The following PLEKHA7 variants were observed in gnomAD, a reference collection of about 807,000 sequenced individuals.
The protein encoded by PLEKHA7 is pleckstrin homology domain-containing family A member 7.
A neutral mutation model predicts 170.0 loss-of-function variants in PLEKHA7; 104 were observed. The ratio of observed to expected loss-of-function variants is 0.61; its 90% CI spans 0.52 to 0.72. The LOEUF (loss-of-function observed/expected upper bound fraction) is 0.72, where lower values mean the gene tolerates loss of function less well. Ranked by LOEUF, PLEKHA7 falls within the 30% of genes least tolerant of loss-of-function variation. The pLI, the probability that PLEKHA7 is intolerant of heterozygous loss-of-function variation, is 0.00. For synonymous variants in PLEKHA7, 648 were observed against 660.8 expected (o/e 0.98, Z 0.30); for missense variants, 1,615 against 1,671.7 (o/e 0.97, Z 0.59).
chr11:16,940,043 G>A (rs1447364708), intron 3 of PLEKHA7, among the ~76,000 whole-genome samples: 3 of 152,144 alleles, frequency 2.0e-5, no homozygotes, highest in African/African-American at 7.2e-5. Flanking sequence ...ACTGGTGCTG[G>A]GGGCAAGAAG....
At chr11:16,800,204 G>A (rs890476662) in intron 17 of PLEKHA7, among the ~76,000 whole-genome samples, 1 of 152,058 alleles carries the variant, frequency 6.6e-6, no homozygotes, top group Non-Finnish European at 1.5e-5. Flanking sequence ...TTAAGTCAGG[G>A]GAGAAAAAAA....
At chr11:16,793,917 G>A (rs1017583329) in intron 19 of PLEKHA7, among the ~76,000 whole-genome samples, 1 of 152,154 alleles carries the variant, frequency 6.6e-6, no homozygotes, top group Non-Finnish European at 1.5e-5. Flanking sequence ...AGTTAGCATG[G>A]AGACATTGAG....
intron 10 of PLEKHA7, among the ~76,000 whole-genome samples, chr11:16,818,684 C>T (rs895424597): frequency 6.6e-5 from 10 of 152,228 alleles, no homozygotes; most frequent in Admixed American, 3.9e-4. Context: ...GTATTGTCCA[C>T]AGTCTAAGAA....
chr11:16,831,974 T>C (rs1451126347), intron 9 of PLEKHA7, among the ~76,000 whole-genome samples: 1 of 152,220 alleles, frequency 6.6e-6, no homozygotes, highest in Non-Finnish European at 1.5e-5. Flanking sequence ...TCATATAACA[T>C]AGCTTTGGCC....
intron 3 of PLEKHA7, among the ~76,000 whole-genome samples, chr11:17,002,525 C>T (rs1261367481): frequency 6.6e-6 from 1 of 152,166 alleles, no homozygotes; most frequent in Non-Finnish European, 1.5e-5. Flanking sequence ...TTAAACCCCT[C>T]GGTGATGCTG....
chr11:16,782,554 G>A (rs1446930298), intron 26 of PLEKHA7, among the ~76,000 whole-genome samples, 200 bp downstream of exon 26: 1 of 152,202 alleles, frequency 6.6e-6, no homozygotes, highest in Admixed American at 6.5e-5. Context: ...TCCACTGTGT[G>A]GCCTGCTCCA....
At chr11:16,801,854 G>A (rs762620344) in intron 15 of PLEKHA7, 37 bp from the exon 16 acceptor site, 9 of 1,612,366 alleles carry the variant, frequency 5.6e-6, no homozygotes, top group Non-Finnish European at 7.6e-6. Flanking sequence ...CAGGATAGGA[G>A]GACAGTCCCC....
chr11:16,852,630 GA>G (rs1321810498), intron 6 of PLEKHA7, among the ~76,000 whole-genome samples: 2 of 152,132 alleles, frequency 1.3e-5, no homozygotes, highest in Non-Finnish European at 2.9e-5. Context: ...AGTAAATTAA[GA>G]AAGGAATCAG....
At chr11:16,838,974 C>A (rs1376982777) in intron 9 of PLEKHA7, among the ~76,000 whole-genome samples, 1 of 152,124 alleles carries the variant, frequency 6.6e-6, no homozygotes, top group Non-Finnish European at 1.5e-5. Flanking sequence ...GTGTGAGCCA[C>A]CGCACCCGGC....
chr11:16,970,666 C>CA lies in PLEKHA7; in HGVS notation c.221+43322dup, dbSNP rs537512055. ...TGGGCAACAAATCGAGACTCCATCT[C>CA]AAAAAAAAACAAAAACAAAAACAAA... is the stretch of plus-strand genomic sequence containing the variant. On this transcript the variant is annotated intron_variant, in intron 3 of 26. Coordinates refer to ENST00000531066, the MANE Select transcript of PLEKHA7 (RefSeq NM_001329630.2). Among the ~76,000 whole-genome samples the CA allele has an allele frequency of 4.6e-4, 68 of 146,898 alleles. 1 individual carries two copies. The highest frequency in any genetic ancestry group is 8.0e-4 in the East Asian group (4 of 5,016).
In PLEKHA7 at chr11:16,784,803, C is replaced by T. The variant is rs145723905; in HGVS notation, c.3517-970G>A. ...GCAAGAAATAAGCTCTTCTCTGTTA[C>T]TCCAATGAGGACAGATTTAGAGGAA... On this transcript the variant is annotated intron_variant, in intron 24 of 26. Coordinates refer to ENST00000531066, the MANE Select transcript of PLEKHA7 (RefSeq NM_001329630.2). Among the ~76,000 whole-genome samples, 11 of 152,340 alleles carry T rather than the reference C, an allele frequency of 7.2e-5. No individual in the cohort carries two copies. The East Asian group carries it at 1.9e-3, about 27-fold the overall frequency.
At chr11:16,826,015 A>C in intron 10 of PLEKHA7, 105 bp downstream of exon 10, 1 of 1,153,480 alleles carries the variant, frequency 8.7e-7, no homozygotes, top group Non-Finnish European at 1.2e-6. Context: ...AATGGCAGTA[A>C]AGAGTTTAAG....
chr11:16,803,886 G>T (rs1848771200), intron 13 of PLEKHA7, among the ~76,000 whole-genome samples: 1 of 152,174 alleles, frequency 6.6e-6, no homozygotes, highest in Non-Finnish European at 1.5e-5. Flanking sequence ...CCCAGCAAGG[G>T]TTTTTAATTG....
At chr11:16,917,474 G>A (rs1034487801) in intron 3 of PLEKHA7, among the ~76,000 whole-genome samples, 4 of 152,150 alleles carry the variant, frequency 2.6e-5, no homozygotes, top group Non-Finnish European at 5.9e-5. Context: ...CAGCAGAGCC[G>A]TGCTCCTCAG....
intron 4 of PLEKHA7, among the ~76,000 whole-genome samples, chr11:16,863,410 G>C (rs1484237347): frequency 1.3e-5 from 2 of 152,164 alleles, no homozygotes; most frequent in African/African-American, 4.8e-5. Context: ...TGCTGGGAAA[G>C]GCAGGTCAAG....
intron 3 of PLEKHA7, among the ~76,000 whole-genome samples, chr11:16,960,556 T>C (rs1439852414): frequency 6.6e-6 from 1 of 152,024 alleles, no homozygotes; most frequent in East Asian, 1.9e-4. Flanking sequence ...GGAAGGCCCT[T>C]CCCTCATCTG....
chr11:16,963,212 C>T (rs1261847496), intron 3 of PLEKHA7, among the ~76,000 whole-genome samples: 3 of 152,186 alleles, frequency 2.0e-5, no homozygotes, highest in African/African-American at 7.2e-5. Flanking sequence ...GAAGCAAGTG[C>T]CTGACCTATA....
At chr11:16,940,265 G>C (rs191054854) in intron 3 of PLEKHA7, among the ~76,000 whole-genome samples, 12 of 148,780 alleles carry the variant, frequency 8.1e-5, no homozygotes, top group Non-Finnish European at 1.5e-4. Flanking sequence ...AAGTATCTCA[G>C]ATCTTTTCTT....
chr11:16,915,398 C>T (rs557688128), intron 3 of PLEKHA7, among the ~76,000 whole-genome samples: 17 of 152,164 alleles, frequency 1.1e-4, no homozygotes, highest in Non-Finnish European at 2.1e-4. Flanking sequence ...TTTTAGGGTA[C>T]ATGTGCACGA....
Sources: allele counts gnomAD v4.1 joint callset (sites outside exome capture counted in the v4.1 genomes callset), GRCh38; gene constraint gnomAD v4.1.1; transcripts MANE v1.5; gene names NCBI Gene and HGNC (gene_info 2026-07-23, HGNC 2026-07-21).